IFT122: variants seen among roughly 807,000 people sequenced by gnomAD.
IFT122 encodes the protein intraflagellar transport protein 122 homolog.
In IFT122, 118 loss-of-function variants were observed where a neutral mutation model predicts 161.6. The ratio of observed to expected loss-of-function variants is 0.73; its 90% CI spans 0.63 to 0.85. The LOEUF is 0.85. Ranked by LOEUF, IFT122 falls within the 40% of genes least tolerant of loss-of-function variation. The probability of loss-of-function intolerance (pLI) is 0.00; values close to 1 mark genes in which losing one functional copy is unlikely to be tolerated. For synonymous variants in IFT122, 550 were observed against 602.4 expected, an observed-to-expected ratio of 0.91 and a Z score of 1.27; for missense variants, 1,381 against 1,579.6, an observed-to-expected ratio of 0.87 and a Z score of 2.13.
chr3:129,515,748 A>T, intron 26 of IFT122, 149 bp downstream of exon 26: 2 of 744,482 alleles, frequency 2.7e-6, no homozygotes, highest in Non-Finnish European at 4.8e-6. Flanking sequence ...ACGCCCACCT[A>T]CCTGACACAA....
intron 1 of IFT122, among the ~76,000 whole-genome samples, chr3:129,444,198 C>G (rs151338787): frequency 0.013 from 2,054 of 152,310 alleles, 18 homozygotes; most frequent in Non-Finnish European, 0.021. Flanking sequence ...CCACGTCCCC[C>G]CTACTTTTTA....
intron 17 of IFT122, among the ~76,000 whole-genome samples, chr3:129,494,685 A>AGTGTGTGTGTGT (rs10579071): frequency 1.1e-3 from 168 of 150,614 alleles, no homozygotes; most frequent in African/African-American, 3.9e-3. Context: ...AGCTGTGCTA[A>AGTGTGTGTGTGT]GTGTGTGTGT....
intron 3 of IFT122, among the ~76,000 whole-genome samples, chr3:129,457,586 G>A (rs1253438927): frequency 2.6e-5 from 4 of 152,122 alleles, no homozygotes; most frequent in Admixed American, 2.6e-4. Context: ...TTAGAGAAAT[G>A]TTCCCTCATC....
chr3:129,441,255 C>T (rs2073046200), intron 1 of IFT122, among the ~76,000 whole-genome samples: 1 of 152,172 alleles, frequency 6.6e-6, no homozygotes, highest in Non-Finnish European at 1.5e-5. Flanking sequence ...GTCTTTGGTT[C>T]TGTCCCTTCT....
chr3:129,516,705 C>G (rs1291824111), intron 26 of IFT122, among the ~76,000 whole-genome samples: 1 of 106,240 alleles, frequency 9.4e-6, no homozygotes, highest in Admixed American at 9.5e-5. Flanking sequence ...CACACACACA[C>G]ACACACACAC....
chr3:129,468,463 G>C (rs944882493), intron 8 of IFT122, among the ~76,000 whole-genome samples: 3 of 152,090 alleles, frequency 2.0e-5, no homozygotes, highest in African/African-American at 7.2e-5. Flanking sequence ...TTGTGCCTCA[G>C]CCTCTGGAAT....
At chr3:129,472,737 C>T (rs2077494929) in intron 9 of IFT122, among the ~76,000 whole-genome samples, 1 of 152,032 alleles carries the variant, frequency 6.6e-6, no homozygotes, top group Admixed American at 6.6e-5. Flanking sequence ...TACTGTTCTC[C>T]AAGTCATCGA....
chr3:129,478,178 A>G lies in IFT122; in HGVS notation c.1310A>G (p.Asn437Ser), dbSNP rs142655964. 1,167 of 1,613,908 alleles carry G rather than the reference A, an allele frequency of 7.2e-4. No individual in the cohort carries two copies. Among genetic ancestry groups the G allele is most frequent in the Non-Finnish European group, 9.1e-4 (1,077 of 1,179,998 alleles). Residue 437 changes from asparagine (N) to serine (S), a missense_variant, in exon 12 of 30, where the codon AAC becomes AGC. Transcript: ENST00000348417. ...AAGATTATCAAGAAGTTTGAGTGCA[A>G]CCTCCTGGTGGTGTGTGCCAATCAC... ...KEKIIKKFEC[N>S]LLVVCANHII...
chr3:129,507,430 C>T (rs1307115559), intron 22 of IFT122, among the ~76,000 whole-genome samples: 2 of 152,220 alleles, frequency 1.3e-5, no homozygotes, highest in African/African-American at 2.4e-5. Flanking sequence ...AAAATATCCT[C>T]AAACTCCCTG....
At chr3:129,519,279 A>AGGATTGGCC (rs1202050935) in intron 28 of IFT122, 93 bp downstream of exon 28, 1 of 1,207,742 alleles carries the variant, frequency 8.3e-7, no homozygotes, top group Non-Finnish European at 1.2e-6. Context: ...GTGGTGGAGG[A>AGGATTGGCC]GGATTGGCCA....
intron 15 of IFT122, 87 bp downstream of exon 15, chr3:129,483,769 G>A (rs1248470077): frequency 2.9e-5 from 37 of 1,260,144 alleles, no homozygotes; most frequent in Non-Finnish European, 4.1e-5. Context: ...TTTGGGGAGA[G>A]AGTAGCAAGG....
intron 25 of IFT122, chr3:129,514,859 C>T: frequency 2.0e-6 from 1 of 509,442 alleles, no homozygotes; most frequent in Non-Finnish European, 3.6e-6. Context: ...GTGGCTCTGC[C>T]TTTACCCCAG....
intron 16 of IFT122, among the ~76,000 whole-genome samples, chr3:129,491,268 C>T (rs538942650): frequency 5.7e-4 from 87 of 152,302 alleles, no homozygotes; most frequent in African/African-American, 1.7e-3. Context: ...GATTGCTCTG[C>T]GTGTTCAGTT....
At chr3:129,453,648 T>C (rs2075117800) in intron 3 of IFT122, among the ~76,000 whole-genome samples, 1 of 152,176 alleles carries the variant, frequency 6.6e-6, no homozygotes, top group African/African-American at 2.4e-5. Flanking sequence ...TAAATAATTA[T>C]GTACATTAAC....
intron 1 of IFT122, among the ~76,000 whole-genome samples, chr3:129,448,526 G>A (rs1577191409): frequency 6.6e-6 from 1 of 152,068 alleles, no homozygotes. Context: ...GGTTATTTAC[G>A]TGGCCAGCGC....
At chr3:129,468,439 G>C (rs2077028696) in intron 8 of IFT122, among the ~76,000 whole-genome samples, 1 of 152,128 alleles carries the variant, frequency 6.6e-6, no homozygotes, top group Non-Finnish European at 1.5e-5. Context: ...CGCCTCCCGG[G>C]TTCTAAGCGA....
At chr3:129,469,796 C>G (rs988067260) in intron 9 of IFT122, among the ~76,000 whole-genome samples, 3 of 152,188 alleles carry the variant, frequency 2.0e-5, no homozygotes, top group Admixed American at 6.5e-5. Context: ...TTTCATTCAA[C>G]CAGTATTTAT....
At chr3:129,520,084 C>T (rs1444732262) in intron 29 of IFT122, 92 bp from the exon 30 acceptor site, 11 of 1,051,214 alleles carry the variant, frequency 1.0e-5, no homozygotes, top group Non-Finnish European at 1.4e-5. Context: ...CTGCCAAGCC[C>T]CCTCCCCTTG....
Position 129,488,033 on chromosome 3 carries a change from G to A in IFT122, c.1852-224G>A. The A allele has an allele frequency of 6.2e-6, 4 of 649,824 alleles. No homozygotes were observed. The South Asian group carries it at 7.3e-5, about 12-fold the overall frequency. The allele number at this position is 649,824 out of a possible 1,614,324, so 40.3% of individuals were successfully genotyped here. A position where few individuals can be genotyped will look rare whatever the true frequency, so the allele number is the denominator to read the frequency against. ...TGGGAAGGAGGGGAGGATGGGCAGA[G>A]AGTTTGTGCTGTGGAGCACAGTAGC... is the stretch of plus-strand genomic sequence containing the variant. On this transcript the variant is annotated intron_variant, in intron 15 of 29. Transcript: ENST00000348417.
Sources: gnomAD v4.1 joint callset for allele counts (sites outside exome capture counted in the v4.1 genomes callset) on GRCh38, gnomAD v4.1.1 for gene constraint, MANE v1.5 for transcripts, NCBI Gene and HGNC (gene_info 2026-07-23, HGNC 2026-07-21) for gene names.